The following DNAH6 variants were observed in gnomAD, a reference collection of about 807,000 sequenced individuals.
DNAH6 encodes the protein dynein axonemal heavy chain 6, also known as axonemal beta dynein heavy chain 6.
DNAH6 carries 340 observed loss-of-function variants against 491.4 expected under a neutral mutation model. The ratio of observed to expected loss-of-function variants is 0.69; its 90% confidence interval spans 0.63 to 0.76. The LOEUF is 0.76. Among genes scored for constraint, DNAH6 ranks in the 30% least tolerant of loss-of-function variants. The probability of loss-of-function intolerance (pLI) is 0.00; values close to 1 mark genes in which losing one functional copy is unlikely to be tolerated. For synonymous variants in DNAH6, 1,603 were observed against 1,686.1 expected (o/e 0.95, Z 1.21); for missense variants, 4,443 against 4,972.2 (o/e 0.89, Z 3.20).
chr2:84,704,030 A>T, intron 50 of DNAH6, 37 bp from the exon 51 acceptor site: 1 of 1,468,260 alleles, frequency 6.8e-7, no homozygotes, highest in Non-Finnish European at 9.3e-7. Context: ...AAATTCAAAT[A>T]ATGAGGCCAC....
chr2:84,565,300 T>C (rs1681073051), intron 11 of DNAH6, among the ~76,000 whole-genome samples: 1 of 150,822 alleles, frequency 6.6e-6, no homozygotes, highest in African/African-American at 2.4e-5. Flanking sequence ...TCTGGTAGAA[T>C]TTGACTGTGA....
In DNAH6 at chr2:84,653,732, A is replaced by C; in HGVS notation, c.5492A>C (p.Asp1831Ala). The C allele has an allele frequency of 1.3e-6, 2 of 1,551,386 alleles. No homozygotes were observed. The change falls in exon 34 of 77, where the codon GAC becomes GCC. Residue 1831 changes from aspartate to alanine, a missense_variant. Asp to Ala is a moderately radical substitution (Grantham distance 126). This residue lies in a region of DNAH6 where 2,977 missense variants were observed against 3,296.6 expected (regional missense o/e 0.90). Transcript: ENST00000389394. ...GCAGCTGTGAATGATACTTCAGAAG[A>C]CCATAAATGGATCATCAGTGATGGG... is the stretch of plus-strand genomic sequence containing the variant. Reference protein sequence around the residue: ...VRAAVNDTSEDHKWIISDGPV... With the variant: ...VRAAVNDTSEAHKWIISDGPV...
intron 15 of DNAH6, among the ~76,000 whole-genome samples, 191 bp from the exon 16 acceptor site, chr2:84,588,635 A>G (rs977212355): frequency 6.6e-6 from 1 of 152,216 alleles, no homozygotes; most frequent in Non-Finnish European, 1.5e-5. Context: ...CACTTTATAT[A>G]AATGTGTACT....
intron 70 of DNAH6, among the ~76,000 whole-genome samples, chr2:84,798,064 T>G (rs1159610373): frequency 6.6e-6 from 1 of 152,190 alleles, no homozygotes; most frequent in Non-Finnish European, 1.5e-5. Flanking sequence ...ATTATAAAAA[T>G]ACAGTGACAA....
chr2:84,551,218 A>G lies in DNAH6; in HGVS notation c.1485+1161A>G, dbSNP rs569389146. ...TAAATCATGTCATGAACTCCTTTTC[A>G]TAGCTTTCTCTTCTCCCCTATTCTG... On this transcript the variant is annotated intron_variant, in intron 9 of 76. Coordinates refer to ENST00000389394, the MANE Select transcript of DNAH6 (RefSeq NM_001370.2). Among the ~76,000 whole-genome samples, 25 of 152,320 alleles carry G rather than the reference A, an allele frequency of 1.6e-4. No homozygotes were observed. In the South Asian group the frequency reaches 2.1e-3, roughly 13 times the overall value.
At chr2:84,546,927 T>C (rs1375984876) in intron 5 of DNAH6, among the ~76,000 whole-genome samples, 1 of 152,222 alleles carries the variant, frequency 6.6e-6, no homozygotes, top group Admixed American at 6.5e-5. Flanking sequence ...ATTATCATTA[T>C]GACCGGACAT....
intron 42 of DNAH6, among the ~76,000 whole-genome samples, chr2:84,682,639 C>T (rs1010799259): frequency 6.6e-6 from 1 of 152,156 alleles, no homozygotes; most frequent in Non-Finnish European, 1.5e-5. Context: ...CATGCATACC[C>T]CGGCCCCAGA....
At chr2:84,628,297 A>T (rs1688069633) in intron 29 of DNAH6, among the ~76,000 whole-genome samples, 1 of 152,078 alleles carries the variant, frequency 6.6e-6, no homozygotes, top group African/African-American at 2.4e-5. Flanking sequence ...AAGGGCTGTT[A>T]TTTTCTGCCT....
chr2:84,540,510 A>G (rs1678144519), intron 4 of DNAH6, among the ~76,000 whole-genome samples: 1 of 152,108 alleles, frequency 6.6e-6, no homozygotes, highest in Admixed American at 6.6e-5. Context: ...CATCACATTG[A>G]GGTTTTATTG....
rs571382815 is a variant in DNAH6 at position 84,542,755 on chromosome 2, A to G, written c.663-1478A>G. On this transcript the variant is annotated intron_variant, in intron 4 of 76. Transcript: ENST00000389394. ...AGTGGTTCTTAACTTCTTTTAACAGACCCAAAACATAGAATTTTGTTCCAA... is the reference window on the plus strand; with the variant it reads ...AGTGGTTCTTAACTTCTTTTAACAGGCCCAAAACATAGAATTTTGTTCCAA... Among the ~76,000 whole-genome samples, 121 of 152,336 alleles carry G rather than the reference A, an allele frequency of 7.9e-4. 1 individual carries two copies. The highest frequency in any genetic ancestry group is 1.5e-3 in the Non-Finnish European group (100 of 68,028).
chr2:84,731,853 T>C (rs1410730352), intron 61 of DNAH6, among the ~76,000 whole-genome samples: 1 of 152,130 alleles, frequency 6.6e-6, no homozygotes, highest in Non-Finnish European at 1.5e-5. Context: ...AGCAACTCCT[T>C]CAAAGGGGCC....
At chr2:84,722,299 G>A (rs1025867807) in intron 59 of DNAH6, among the ~76,000 whole-genome samples, 2 of 152,052 alleles carry the variant, frequency 1.3e-5, no homozygotes, top group Non-Finnish European at 2.9e-5. Flanking sequence ...AAAGAAGTTC[G>A]GGAGCAATTA....
intron 7 of DNAH6, 34 bp downstream of exon 7, chr2:84,547,646 G>A: frequency 6.5e-7 from 1 of 1,529,448 alleles, no homozygotes; most frequent in South Asian, 1.2e-5. Flanking sequence ...TATATCAGAA[G>A]TGGTGGCTTT....
chr2:84,602,896 A>T (rs574282321), intron 18 of DNAH6, among the ~76,000 whole-genome samples: 38 of 146,478 alleles, frequency 2.6e-4, no homozygotes, highest in African/African-American at 9.1e-4. Context: ...TGGCTGTGTT[A>T]AACCCTTTAA....
intron 2 of DNAH6, among the ~76,000 whole-genome samples, chr2:84,518,914 G>T (rs1399693384): frequency 1.3e-5 from 2 of 152,092 alleles, no homozygotes; most frequent in Non-Finnish European, 2.9e-5. Context: ...AAACGCATGG[G>T]CTCATGCCTG....
the DNAH6 span, among the ~76,000 whole-genome samples, chr2:84,505,764 T>TG: frequency 6.6e-6 from 1 of 152,148 alleles, no homozygotes; most frequent in African/African-American, 2.4e-5. Context: ...TGTGTCCGTG[T>TG]GTTCTCATTG....
chr2:84,804,705 A>C (rs1402331592), intron 70 of DNAH6, among the ~76,000 whole-genome samples: 1 of 152,202 alleles, frequency 6.6e-6, no homozygotes, highest in Non-Finnish European at 1.5e-5. Context: ...GATCAACTTA[A>C]AAATGTTTAA....
chr2:84,582,642 C>G (rs1021341150), intron 14 of DNAH6, among the ~76,000 whole-genome samples: 14 of 152,068 alleles, frequency 9.2e-5, no homozygotes, highest in African/African-American at 3.4e-4. Context: ...TTAGTAGAGA[C>G]GGGGTTTCAC....
At chr2:84,596,223 G>A (rs1450302342) in intron 18 of DNAH6, among the ~76,000 whole-genome samples, 1 of 152,154 alleles carries the variant, frequency 6.6e-6, no homozygotes, top group African/African-American at 2.4e-5. Flanking sequence ...AGGTGTACAG[G>A]TCTGAATTTT....
Sources: allele counts gnomAD v4.1 joint callset (sites outside exome capture counted in the v4.1 genomes callset), GRCh38; gene constraint gnomAD v4.1.1; regional missense constraint gnomAD v4.1.1; transcripts MANE v1.5; gene names NCBI Gene and HGNC (gene_info 2026-07-23, HGNC 2026-07-21).